The following BCL9L variants were observed in gnomAD, a reference collection of about 807,000 sequenced individuals.
BCL9L encodes BCL9 like.
Under a neutral mutation model 99.4 loss-of-function variants are expected in BCL9L, and 19 were observed. That is an observed-to-expected ratio of 0.19 (90% CI 0.13 to 0.28). BCL9L has a LOEUF of 0.28. BCL9L is among the 10% of genes least tolerant of loss of function. BCL9L has a pLI of 1.00. For missense variants in BCL9L, 2,023 were observed against 2,101.6 expected (o/e 0.96, Z 0.73); for synonymous variants, 900 against 854.8 (o/e 1.05, Z -0.92).
rs1250776536 is a variant in BCL9L at position 118,901,527 on chromosome 11, C to A, written c.2216G>T (p.Gly739Val). ...GCCCCGGCCTCCACCAAACTCCATG[C>A]CCATGGGAGTGCCCGCCAGGCCCTC... The part of the protein sequence containing the change: ...GGEGLAGTPM[G>V]MEFGGGRGLL... Residue 739 changes from glycine to valine, a missense_variant, in exon 8 of 10, where the codon GGC (glycine) becomes GTC (valine). By Grantham distance (109) the Gly-to-Val change is moderately radical (BLOSUM62 -3). This residue lies in a region of BCL9L where 1,116 missense variants were observed against 1,194.6 expected (regional missense o/e 0.93). Transcript: ENST00000683865. This position sits in a 1 kb window ranked among gnomAD's most constrained non-coding sequence, Gnocchi z 6.6. 1 of 1,614,120 alleles carries A rather than the reference C, an allele frequency of 6.2e-7. No homozygotes were observed. Among genetic ancestry groups the A allele is most frequent in the Non-Finnish European group, 8.5e-7 (1 of 1,180,014 alleles).
chr11:118,912,829 G>A (rs1940849016), intron 2 of BCL9L, among the ~76,000 whole-genome samples: 1 of 152,206 alleles, frequency 6.6e-6, no homozygotes, highest in Admixed American at 6.5e-5. Context: ...GGCCCCCTGT[G>A]ATGACGTGAA....
At position 118,897,303 on chromosome 11, in the gene BCL9L, T is replaced by C. The variant is rs1413521191; in HGVS notation, c.*1112A>G. ...CAGTGGCACCATGCCACCCCTTCCA[T>C]GGCTCCACTCAAGGGGGCCACACAG... On this transcript the variant is annotated 3_prime_UTR_variant, in exon 10 of 10. Coordinates refer to ENST00000683865, the MANE Select transcript of BCL9L (RefSeq NM_001378213.1). The C allele has an allele frequency of 6.0e-6, 1 of 167,540 alleles. No individual in the cohort carries two copies. The highest frequency in any genetic ancestry group is 1.3e-5 in the Non-Finnish European group (1 of 76,338). The allele number at this position is 167,540 out of a possible 1,614,324, so 10.4% of individuals were successfully genotyped here.
chr11:118,903,410 C>A lies in BCL9L; in HGVS notation c.575G>T (p.Gly192Val). Residue 192 changes from glycine to valine, a missense_variant, in exon 6 of 10, where the codon GGT (glycine) becomes GTT (valine). Gly to Val is a moderately radical substitution (Grantham distance 109). Coordinates refer to ENST00000683865, the MANE Select transcript of BCL9L (RefSeq NM_001378213.1). This position sits in a 1 kb window ranked among gnomAD's most constrained non-coding sequence, Gnocchi z 5.6. ...ADPAMAAPQL[G>V]PGQTTQLPLS... ...GGGCAGTTGGGTGGTTTGGCCGGGA[C>A]CCAGCTGTGGGGCCGCCATGGCTGG... 4 of 1,612,632 alleles carry A rather than the reference C, an allele frequency of 2.5e-6. 1 individual carries two copies. Among genetic ancestry groups the A allele is most frequent in the Non-Finnish European group, 3.4e-6 (4 of 1,179,482 alleles).
intron 3 of BCL9L, among the ~76,000 whole-genome samples, chr11:118,909,272 G>C (rs1940673881): frequency 5.9e-5 from 9 of 152,156 alleles, no homozygotes; most frequent in Admixed American, 5.9e-4. Flanking sequence ...GAGGGGAGCG[G>C]TGTGTCAAGC....
chr11:118,910,686 A>C (rs1435285339), intron 2 of BCL9L: 1 of 150,342 alleles, frequency 6.7e-6, no homozygotes, highest in Non-Finnish European at 1.5e-5. Context: ...CCAGCGAGGC[A>C]GCGAGCGGGA....
rs763757748 is a variant in BCL9L, at chr11:118,902,772, T to A, written c.971A>T (p.Glu324Val). The A allele has an allele frequency of 6.3e-7, 1 of 1,582,152 alleles. No homozygotes were observed. Among genetic ancestry groups the A allele is most frequent in the Non-Finnish European group, 8.5e-7 (1 of 1,171,650 alleles). ...CTGACTGCTGTCCTCAGGAGGCCCC[T>A]CTGGGGGCAGAGCAGGCGGGGCACT... Reference protein sequence around the residue: ...PGSAPPALPPEGPPEDSSQDL... With the variant: ...PGSAPPALPPVGPPEDSSQDL... The change falls in exon 8 of 10, where the codon GAG becomes GTG. Residue 324 changes from glutamate to valine, a missense_variant. Coordinates refer to ENST00000683865, the MANE Select transcript of BCL9L (RefSeq NM_001378213.1). This position sits in a 1 kb window ranked among gnomAD's most constrained non-coding sequence, Gnocchi z 7.8.
rs1940166004 is a variant in BCL9L, at chr11:118,900,401, TC to T, written c.3125-204del. ...CTCAGGGCCCCAGGCAAGGGGAAGA[TC>T]CCAGGCCCCAAGTACGATCACTCAA... On this transcript the variant is annotated intron_variant, in intron 8 of 9. Transcript: ENST00000683865. The surrounding 1 kb of genome is among the most constrained non-coding windows in gnomAD (Gnocchi z 5.3). 6.6e-6 allele frequency among the ~76,000 whole-genome samples: 1 copy of T among 151,924 alleles called. No individual in the cohort carries two copies. The highest frequency in any genetic ancestry group is 1.5e-5 in the Non-Finnish European group (1 of 67,976).
chr11:118,903,082 G>T lies in BCL9L; in HGVS notation c.750-8C>A. On this transcript the variant is annotated splice_region_variant and splice_polypyrimidine_tract_variant and intron_variant, in intron 6 of 9. Transcript: ENST00000683865. This position sits in a 1 kb window ranked among gnomAD's most constrained non-coding sequence, Gnocchi z 5.6. ...AGCACTGCCTCTGCAGCCCTGCACA[G>T]AGTGGGGGCACCGACAGCTCAGAGA... is the stretch of plus-strand genomic sequence containing the variant. 2 of 1,571,286 alleles carry T rather than the reference G, an allele frequency of 1.3e-6. No homozygotes were observed. Among genetic ancestry groups the T allele is most frequent in the Non-Finnish European group, 1.7e-6 (2 of 1,163,060 alleles).
chr11:118,897,409 T>C lies in BCL9L; in HGVS notation c.*1006A>G, dbSNP rs967332766. 5 of 199,630 alleles carry C rather than the reference T, an allele frequency of 2.5e-5. No homozygotes were observed. Among genetic ancestry groups the C allele is most frequent in the African/African-American group, 9.6e-5 (4 of 41,802 alleles). 12.4% of individuals were successfully genotyped at this position (199,630 alleles called of 1,614,324 possible). ...CTGGCTAAGATGTAGCAGCAGCGGA[T>C]GCCCGGGCATCCAAAGTGGAAAGCC... On this transcript the variant is annotated 3_prime_UTR_variant, in exon 10 of 10. Coordinates refer to ENST00000683865, the MANE Select transcript of BCL9L (RefSeq NM_001378213.1).
In BCL9L at chr11:118,906,669, T is replaced by G. The variant is rs186296705; in HGVS notation, c.532+814A>C. Among the ~76,000 whole-genome samples the G allele has an allele frequency of 6.3e-3, 955 of 151,606 alleles. 5 individuals are homozygous for G. The highest frequency in any genetic ancestry group is 9.7e-3 in the Non-Finnish European group (658 of 68,010). On this transcript the variant is annotated intron_variant, in intron 5 of 9. Transcript: ENST00000683865. ...GGCTAGTTTCTTTTTCTTCTTTCTT[T>G]ACTTCTTTCCTTTCTTTCTCTCTCT...
In BCL9L at chr11:118,899,363, G is replaced by A. The variant is rs764551213; in HGVS notation, c.3552C>T (p.Asn1184=). 6.3e-7 allele frequency: 1 copy of A among 1,580,846 alleles called. No individual in the cohort carries two copies. Among genetic ancestry groups the A allele is most frequent in the Non-Finnish European group, 8.6e-7 (1 of 1,163,840 alleles). The change falls in exon 10 of 10, where the codon AAC becomes AAT. Residue 1184 remains asparagine, a synonymous_variant. Transcript: ENST00000683865. ...MLPSPTPLGS[N]IPLHPNAQGT... ...CCTGTGCGTTGGGATGCAGTGGAAT[G>A]TTGGAGCCCAGAGGGGTGGGGGAGG...
At chr11:118,909,828 A>G in intron 3 of BCL9L, 86 bp downstream of exon 3, 1 of 1,605,242 alleles carries the variant, frequency 6.2e-7, no homozygotes, top group South Asian at 1.1e-5. Flanking sequence ...TCTCCTGGCC[A>G]GCACAGCTTG....
chr11:118,901,763 T>C lies in BCL9L; in HGVS notation c.1980A>G (p.Pro660=). Residue 660 remains proline, a synonymous_variant, in exon 8 of 10, where the codon CCA becomes CCG. Coordinates refer to ENST00000683865, the MANE Select transcript of BCL9L (RefSeq NM_001378213.1). The surrounding 1 kb of genome is among the most constrained non-coding windows in gnomAD (Gnocchi z 6.6). ...SNFAQNTMPY[P]GGQGEAERFM... ...ATCGCTCCGCCTCACCCTGCCCACC[T>C]GGGTAGGGCATGGTGTTCTGGGCAA... 6.2e-7 allele frequency: 1 copy of C among 1,612,290 alleles called. No individual in the cohort carries two copies. The highest frequency in any genetic ancestry group is 8.5e-7 in the Non-Finnish European group (1 of 1,178,656).
At position 118,903,436 on chromosome 11, in the gene BCL9L, G is replaced by T. The variant is rs1233987263; in HGVS notation, c.549C>A (p.Asp183Glu). ...CCAGCTGTGGGGCCGCCATGGCTGG[G>T]TCTGCTACATTACAATCTGCAGGAG... ...IGATHNCNVA[D>E]PAMAAPQLGP... Residue 183 changes from aspartate (D) to glutamate (E), a missense_variant, in exon 6 of 10, where the codon GAC becomes GAA. This residue lies in a region of BCL9L where 1,116 missense variants were observed against 1,194.6 expected (regional missense o/e 0.93). Transcript: ENST00000683865. This position sits in a 1 kb window ranked among gnomAD's most constrained non-coding sequence, Gnocchi z 5.6. 1.9e-6 allele frequency: 3 copies of T among 1,613,370 alleles called. No homozygotes were observed. The highest frequency in any genetic ancestry group is 3.3e-5 in the Admixed American group (2 of 59,986).
At chr11:118,909,843 C>T (rs1221430938) in intron 3 of BCL9L, 71 bp downstream of exon 3, 5 of 1,611,604 alleles carry the variant, frequency 3.1e-6, no homozygotes, top group Non-Finnish European at 4.2e-6. Flanking sequence ...AGCTTGGGCC[C>T]CATCACCACT....
At position 118,909,963 on chromosome 11, in the gene BCL9L, C is replaced by T. The variant is rs1171570570; in HGVS notation, c.-24G>A. The T allele has an allele frequency of 3.7e-6, 6 of 1,613,926 alleles. No individual in the cohort carries two copies. In the South Asian group the frequency reaches 4.4e-5, roughly 12 times the overall value. ...ATGGCTCCCACACACAGTGGGGCTA[C>T]GGCCCCTGTGCGTGCCCAGGGCCCA... On this transcript the variant is annotated 5_prime_UTR_variant, in exon 3 of 10. Transcript: ENST00000683865.
rs1401023803 is a variant in BCL9L, at chr11:118,921,230, C to G, written c.-130-2351G>C. Among the ~76,000 whole-genome samples, 1 of 152,108 alleles carries G rather than the reference C, an allele frequency of 6.6e-6. No homozygotes were observed. Among genetic ancestry groups the G allele is most frequent in the Non-Finnish European group, 1.5e-5 (1 of 68,032 alleles). On this transcript the variant is annotated intron_variant, in intron 1 of 9. Transcript: ENST00000683865. This position sits in a 1 kb window ranked among gnomAD's most constrained non-coding sequence, Gnocchi z 5.4. The stretch of plus-strand genomic sequence containing the variant: ...CACACAGAACTGCCAAACAGAACCG[C>G]CGACAGAAGATACACCCACACTGAG...
Position 118,901,022 on chromosome 11 carries a change from G to A in BCL9L, c.2721C>T (p.Asn907=), listed in dbSNP as rs1039570578. 6.4e-7 allele frequency: 1 copy of A among 1,566,470 alleles called. No homozygotes were observed. Among genetic ancestry groups the A allele is most frequent in the Middle Eastern group, 1.7e-4 (1 of 5,802 alleles). ...NPPGTVHSAP[N]RGLGRRPSDL... ...CCGAAGGCCGCCTGCCTAGCCCCCG[G>A]TTTGGGGCTGAATGCACGGTCCCAG... is the stretch of plus-strand genomic sequence containing the variant. Residue 907 remains asparagine (N), a synonymous_variant, in exon 8 of 10, where the codon AAC becomes AAT. Transcript: ENST00000683865. The surrounding 1 kb of genome is among the most constrained non-coding windows in gnomAD (Gnocchi z 6.6).
chr11:118,903,342 G>C lies in BCL9L; in HGVS notation c.643C>G (p.Pro215Ala). ...CCAGGGGCATCAGGCCGAAGGCCAG[G>C]AGGAGGGCCGTGCGGGGCGCCTGGC... is the stretch of plus-strand genomic sequence containing the variant. ...SVPGAPHGPP[P>A]GLRPDAPGGG... is the part of the protein sequence containing the mutation. The change falls in exon 6 of 10, where the codon CCT (proline) becomes GCT (alanine). Residue 215 changes from proline to alanine, a missense_variant. Around this residue, in one of 3 missense-constraint regions of BCL9L, gnomAD observed 1,116 missense variants for 1,194.6 expected, o/e 0.93. Transcript: ENST00000683865. The surrounding 1 kb of genome is among the most constrained non-coding windows in gnomAD (Gnocchi z 5.6). The C allele has an allele frequency of 6.3e-7, 1 of 1,596,690 alleles. No homozygotes were observed.
Sources: allele counts gnomAD v4.1 joint callset (sites outside exome capture counted in the v4.1 genomes callset), GRCh38; gene constraint gnomAD v4.1.1; regional missense constraint gnomAD v4.1.1; non-coding constraint Gnocchi (gnomAD v3.1); transcripts MANE v1.5; gene names NCBI Gene and HGNC (gene_info 2026-07-23, HGNC 2026-07-21).